The following KALRN variants were observed in gnomAD, a reference collection of about 807,000 sequenced individuals.
The protein encoded by KALRN is kalirin RhoGEF kinase, also known as kalirin.
A neutral mutation model predicts 353.7 loss-of-function variants in KALRN; 70 were observed. That is an observed-to-expected ratio of 0.20 (90% CI 0.16 to 0.24). The LOEUF (loss-of-function observed/expected upper bound fraction) is 0.24, where lower values mean the gene tolerates loss of function less well. Ranked by LOEUF, KALRN falls within the 10% of genes least tolerant of loss-of-function variation. The pLI is 1.00. For synonymous variants in KALRN, 1,391 were observed against 1,434.8 expected (o/e 0.97, Z 0.69); for missense variants, 2,791 against 3,756.7 (o/e 0.74, Z 6.72).
intron 15 of KALRN, among the ~76,000 whole-genome samples, chr3:124,428,751 A>C (rs900910300): frequency 6.6e-6 from 1 of 152,240 alleles, no homozygotes; most frequent in African/African-American, 2.4e-5. Context: ...TAGGTACTGA[A>C]ACCCATGATG....
chr3:124,130,486 T>C (rs2065153959), intron 1 of KALRN, among the ~76,000 whole-genome samples: 1 of 152,174 alleles, frequency 6.6e-6, no homozygotes, highest in Non-Finnish European at 1.5e-5. Context: ...TATTTACCAA[T>C]AATATCAAGT....
intron 13 of KALRN, among the ~76,000 whole-genome samples, chr3:124,404,628 T>G (rs1436836204): frequency 2.0e-5 from 3 of 151,466 alleles, no homozygotes; most frequent in Non-Finnish European, 2.9e-5. Flanking sequence ...TCAGCTTTTA[T>G]ATTTTGTCAC....
intron 33 of KALRN, among the ~76,000 whole-genome samples, chr3:124,538,121 A>G (rs760372415): frequency 9.9e-5 from 15 of 152,246 alleles, no homozygotes; most frequent in Non-Finnish European, 1.9e-4. Context: ...GCAAGTACAT[A>G]TACCATGAGG....
At chr3:124,606,676 T>C (rs1230584676) in intron 34 of KALRN, among the ~76,000 whole-genome samples, 1 of 152,112 alleles carries the variant, frequency 6.6e-6, no homozygotes, top group Non-Finnish European at 1.5e-5. Flanking sequence ...AAAGACACTA[T>C]AAAGGAAGTT....
chr3:124,259,731 T>C (rs2072570445), intron 3 of KALRN, among the ~76,000 whole-genome samples: 1 of 152,184 alleles, frequency 6.6e-6, no homozygotes, highest in Admixed American at 6.5e-5. Flanking sequence ...CTGAGGTTAC[T>C]TTCCAGTGAG....
At chr3:124,181,076 C>CAAA (rs60579271) in intron 1 of KALRN, among the ~76,000 whole-genome samples, 913 of 55,266 alleles carry the variant, frequency 0.017, 42 homozygotes, top group African/African-American at 0.063. Context: ...ACTAAAAATA[C>CAAA]AAAAAAAAAA....
chr3:124,381,560 C>T (rs921496645), intron 10 of KALRN, among the ~76,000 whole-genome samples: 1 of 152,210 alleles, frequency 6.6e-6, no homozygotes, highest in South Asian at 2.1e-4. Context: ...AGCTTTAACA[C>T]TGACCCCATT....
chr3:124,058,307 A>G (rs2041727915), intron 1 of KALRN, among the ~76,000 whole-genome samples: 1 of 152,162 alleles, frequency 6.6e-6, no homozygotes. Context: ...TCCCCACTTC[A>G]GTTCATGATA....
At chr3:124,080,933 G>A (rs2060508934) in intron 1 of KALRN, among the ~76,000 whole-genome samples, 1 of 152,190 alleles carries the variant, frequency 6.6e-6, no homozygotes, top group Admixed American at 6.5e-5. Context: ...CAACAATTAA[G>A]GGAGGAGCTC....
chr3:124,633,696 T>A (rs1249333312), intron 35 of KALRN, among the ~76,000 whole-genome samples, 156 bp from the exon 36 acceptor site: 2 of 152,130 alleles, frequency 1.3e-5, no homozygotes. Flanking sequence ...AATAAGCAGG[T>A]GTATCCATGT....
intron 5 of KALRN, among the ~76,000 whole-genome samples, chr3:124,277,498 C>T (rs1230181760): frequency 6.6e-6 from 1 of 152,154 alleles, no homozygotes; most frequent in African/African-American, 2.4e-5. Flanking sequence ...TTCTCATTTC[C>T]TCCCCTTGAA....
chr3:124,683,105 C>T lies in KALRN; in HGVS notation c.7377+3588C>T, dbSNP rs575217673. 2.6e-5 allele frequency among the ~76,000 whole-genome samples: 4 copies of T among 152,198 alleles called. No homozygotes were observed. In the South Asian group the frequency reaches 6.2e-4, roughly 24 times the overall value. On this transcript the variant is annotated intron_variant, in intron 51 of 59. Coordinates refer to ENST00000682506, the MANE Select transcript of KALRN (RefSeq NM_001388419.1). ...GTGGGGGTGAAAGGGGGGCATCATACATGAAAGAGATGTTTCTACATGGAA... is the reference window on the plus strand; with the variant it reads ...GTGGGGGTGAAAGGGGGGCATCATATATGAAAGAGATGTTTCTACATGGAA...
At chr3:124,564,065 CATG>C (rs2072423287) in intron 34 of KALRN, among the ~76,000 whole-genome samples, 2 of 149,864 alleles carry the variant, frequency 1.3e-5, no homozygotes, top group African/African-American at 4.9e-5. Flanking sequence ...ATTAGCCGGG[CATG>C]GTGGCGCACG....
intron 12 of KALRN, among the ~76,000 whole-genome samples, chr3:124,396,657 G>A (rs1027566158): frequency 6.6e-6 from 1 of 152,214 alleles, no homozygotes; most frequent in African/African-American, 2.4e-5. Flanking sequence ...TCACAGGCTT[G>A]GCTGGCTTCA....
At chr3:124,298,162 G>T (rs1207581848) in intron 5 of KALRN, among the ~76,000 whole-genome samples, 1 of 152,154 alleles carries the variant, frequency 6.6e-6, no homozygotes, top group African/African-American at 2.4e-5. Context: ...GTGAAAACCA[G>T]GGTATGGAGC....
intron 5 of KALRN, among the ~76,000 whole-genome samples, chr3:124,294,814 A>C (rs1344802748): frequency 6.6e-6 from 1 of 152,158 alleles, no homozygotes; most frequent in African/African-American, 2.4e-5. Context: ...ACTATTTTTT[A>C]TTTTGGGTGG....
intron 5 of KALRN, among the ~76,000 whole-genome samples, chr3:124,285,904 A>G (rs1175739478): frequency 2.0e-5 from 3 of 152,124 alleles, no homozygotes; most frequent in Non-Finnish European, 4.4e-5. Context: ...AAAGGCACCT[A>G]GTGGCAAACC....
chr3:124,295,947 C>T (rs2076811134), intron 5 of KALRN, among the ~76,000 whole-genome samples: 1 of 152,176 alleles, frequency 6.6e-6, no homozygotes, highest in African/African-American at 2.4e-5. Flanking sequence ...CAGGATAGTG[C>T]ACACAGCACA....
intron 1 of KALRN, among the ~76,000 whole-genome samples, chr3:124,109,591 G>A (rs1275866664): frequency 2.6e-5 from 4 of 151,328 alleles, no homozygotes; most frequent in South Asian, 2.1e-4. Context: ...GTCTTTATGG[G>A]TTGATTTTTT....
Sources: gnomAD v4.1 joint callset for allele counts (sites outside exome capture counted in the v4.1 genomes callset) on GRCh38, gnomAD v4.1.1 for gene constraint, MANE v1.5 for transcripts, NCBI Gene and HGNC (gene_info 2026-07-23, HGNC 2026-07-21) for gene names.